Variants in SMARCB1 observed in about 807,000 individuals in gnomAD.
The protein encoded by SMARCB1 is SWI/SNF related BAF chromatin remodeling complex subunit B1, also known as SWI/SNF-related matrix-associated actin-dependent regulator of chromatin subfamily B member 1.
A neutral mutation model predicts 49.0 loss-of-function variants in SMARCB1; 5 were observed. The ratio of observed to expected loss-of-function variants is 0.10; its 90% confidence interval spans 0.05 to 0.21. The LOEUF (loss-of-function observed/expected upper bound fraction) is 0.21, where lower values mean the gene tolerates loss of function less well. Ranked by LOEUF, SMARCB1 falls within the 10% of genes least tolerant of loss-of-function variation. The probability of loss-of-function intolerance (pLI) is 1.00; values close to 1 mark genes in which losing one functional copy is unlikely to be tolerated. For synonymous variants in SMARCB1, 201 were observed against 200.1 expected (o/e 1.00, Z -0.04); for missense variants, 226 against 509.2 (o/e 0.44, Z 5.35).
At chr22:23,814,367 G>C (rs35381470) in intron 5 of SMARCB1, among the ~76,000 whole-genome samples, 6 of 152,284 alleles carry the variant, frequency 3.9e-5, no homozygotes, top group African/African-American at 1.2e-4. Flanking sequence ...GGAGCAATTA[G>C]ACAATCATAG....
intron 5 of SMARCB1, among the ~76,000 whole-genome samples, chr22:23,809,381 A>G (rs1359576355): frequency 2.0e-5 from 3 of 150,064 alleles, no homozygotes; most frequent in African/African-American, 7.4e-5. Flanking sequence ...GGTTCAAGTG[A>G]TTCTCCTGCC....
intron 7 of SMARCB1, chr22:23,826,116 C>CA (rs1266608638): frequency 1.3e-5 from 2 of 152,646 alleles, no homozygotes; most frequent in African/African-American, 2.4e-5. Context: ...AGGTGGGACT[C>CA]AGAGTTAAAA....
intron 6 of SMARCB1, chr22:23,825,021 T>C: frequency 1.6e-6 from 1 of 617,218 alleles, no homozygotes; most frequent in Non-Finnish European, 2.9e-6. Context: ...TGCTGGGCCC[T>C]GAGCCAGAGC....
chr22:23,837,082 AG>A lies in SMARCB1; in HGVS notation c.*2904del, dbSNP rs753023723. ...CACTCACAGGAAGCCAGGGGTCTGC[AG>A]GAGCCTCTTGCCTCCAGGCTGGTTG... On this transcript the variant is annotated 3_prime_UTR_variant, in exon 9 of 9. Coordinates refer to ENST00000644036, the MANE Select transcript of SMARCB1 (RefSeq NM_003073.5). 4 of 1,613,954 alleles carry A rather than the reference AG, an allele frequency of 2.5e-6. No individual in the cohort carries two copies. In the Admixed American group the frequency reaches 5.0e-5, roughly 20 times the overall value.
chr22:23,792,292 C>T (rs1928432875), intron 2 of SMARCB1: 1 of 352,602 alleles, frequency 2.8e-6, no homozygotes. Flanking sequence ...GGGGCTTTCA[C>T]TGCTTGCTTC....
In SMARCB1 at chr22:23,787,004, T is replaced by TGCG. The variant is rs1003107265; in HGVS notation, c.-151_-149dup. The TGCG allele has an allele frequency of 2.4e-4, 120 of 502,878 alleles. No individual in the cohort carries two copies. Among genetic ancestry groups the TGCG allele is most frequent in the East Asian group, 6.4e-4 (18 of 28,172 alleles). The allele number at this position is 502,878 out of a possible 1,614,324, so 31.2% of individuals were successfully genotyped here. ...CACTGAGGGCGGCCTGGTCGTCGTC[T>TGCG]GCGGCGGCGGCGGCGGCTGAGGAGC... On this transcript the variant is annotated 5_prime_UTR_variant, in exon 1 of 9. Coordinates refer to ENST00000644036, the MANE Select transcript of SMARCB1 (RefSeq NM_003073.5).
intron 6 of SMARCB1, among the ~76,000 whole-genome samples, chr22:23,819,723 G>A (rs2029974485): frequency 6.8e-6 from 1 of 146,290 alleles, no homozygotes; most frequent in South Asian, 2.2e-4. Flanking sequence ...GTTTTTTGAG[G>A]ATCCACTATA....
Position 23,803,352 on chromosome 22 carries a change from G to A in SMARCB1, c.558G>A (p.Leu186=), listed in dbSNP as rs751914353. 1.9e-6 allele frequency: 3 copies of A among 1,614,172 alleles called. No homozygotes were observed. ...AGAACGCATCTCAGCCCGAGGTGCT[G>A]GTCCCCATCCGGCTGGACATGGAGA... ...IHENASQPEV[L]VPIRLDMEID... The change falls in exon 5 of 9, where the codon CTG becomes CTA. Residue 186 remains leucine (L), a synonymous_variant. Transcript: ENST00000644036.
At chr22:23,800,734 C>G (rs550900297) in intron 3 of SMARCB1, among the ~76,000 whole-genome samples, 8 of 152,276 alleles carry the variant, frequency 5.3e-5, no homozygotes, top group African/African-American at 1.9e-4. Context: ...GTCTGGTGCC[C>G]CTACGTACCC....
Position 23,836,443 on chromosome 22 carries a change from C to T in SMARCB1, c.*2263C>T, listed in dbSNP as rs1259785425. ...CAGCAGCCGAAATCTGGTGAACTTC[C>T]CCGCTGACTGGCAGGTAGCAGAGGC... On this transcript the variant is annotated 3_prime_UTR_variant, in exon 9 of 9. Transcript: ENST00000644036. The T allele has an allele frequency of 1.0e-6, 1 of 990,348 alleles. No homozygotes were observed. The highest frequency in any genetic ancestry group is 1.7e-5 in the African/African-American group (1 of 57,424). 61.3% of individuals were successfully genotyped at this position (990,348 alleles called of 1,614,324 possible). A position where few individuals can be genotyped will look rare whatever the true frequency, so the allele number is the denominator to read the frequency against.
intron 3 of SMARCB1, among the ~76,000 whole-genome samples, chr22:23,797,695 G>A (rs112474586): frequency 1.5e-5 from 2 of 129,774 alleles, no homozygotes; most frequent in African/African-American, 5.8e-5. Context: ...TCAGCTCACT[G>A]CAACCTCCCC....
At chr22:23,828,097 G>C (rs1052420196) in intron 7 of SMARCB1, among the ~76,000 whole-genome samples, 1 of 152,182 alleles carries the variant, frequency 6.6e-6, no homozygotes, top group African/African-American at 2.4e-5. Context: ...CTGTCGCCCA[G>C]GCTGGAGTGC....
At chr22:23,830,144 C>T (rs1361528529) in intron 7 of SMARCB1, among the ~76,000 whole-genome samples, 2 of 152,182 alleles carry the variant, frequency 1.3e-5, no homozygotes, top group Admixed American at 1.3e-4. Flanking sequence ...GTGTGAACAT[C>T]TGTTTTCAAT....
At chr22:23,794,054 C>T (rs1008109492) in intron 3 of SMARCB1, among the ~76,000 whole-genome samples, 25 of 152,208 alleles carry the variant, frequency 1.6e-4, no homozygotes, top group East Asian at 5.8e-4. Flanking sequence ...AAGTGATTCT[C>T]CTGCCTCAGC....
rs35636978 is a variant in SMARCB1 at position 23,794,185 on chromosome 22, G to A, written c.362+497G>A. On this transcript the variant is annotated intron_variant, in intron 3 of 8. Transcript: ENST00000644036. ...CTCGAAACCCCACCTCAGGTGATCCGCCCGCCTTGGCATCCCAGAGTGCTG... is the reference window on the plus strand; with the variant it reads ...CTCGAAACCCCACCTCAGGTGATCCACCCGCCTTGGCATCCCAGAGTGCTG... Among the ~76,000 whole-genome samples, 530 of 152,310 alleles carry A rather than the reference G, an allele frequency of 3.5e-3. 5 individuals are homozygous for A. Among genetic ancestry groups the A allele is most frequent in the South Asian group, 0.034 (166 of 4,820 alleles).
intron 3 of SMARCB1, among the ~76,000 whole-genome samples, chr22:23,796,690 A>T (rs1568939039): frequency 6.6e-6 from 1 of 152,218 alleles, no homozygotes; most frequent in Non-Finnish European, 1.5e-5. Flanking sequence ...AATTGTGTAC[A>T]TATGGAGGGC....
chr22:23,830,384 T>C (rs2030590369), intron 7 of SMARCB1, among the ~76,000 whole-genome samples: 1 of 152,244 alleles, frequency 6.6e-6, no homozygotes, highest in South Asian at 2.1e-4. Context: ...TGCATTTTTC[T>C]AATGACTGAT....
At chr22:23,822,314 C>A (rs902590735) in intron 6 of SMARCB1, among the ~76,000 whole-genome samples, 1 of 152,184 alleles carries the variant, frequency 6.6e-6, no homozygotes, top group Non-Finnish European at 1.5e-5. Flanking sequence ...ACTGTCCAGG[C>A]CCCGTCCAGA....
chr22:23,799,679 A>ATTTTTTTTTTTTTTTTTTTTTTTTTT (rs71184912), intron 3 of SMARCB1, among the ~76,000 whole-genome samples: 3 of 68,416 alleles, frequency 4.4e-5, no homozygotes, highest in African/African-American at 1.2e-4. Flanking sequence ...CACCTGGCTA[A>ATTTTTTTTTTTTTTTTTTTTTTTTTT]TTTTTTTTTT....
Sources: gnomAD v4.1 joint callset for allele counts (sites outside exome capture counted in the v4.1 genomes callset) on GRCh38, gnomAD v4.1.1 for gene constraint, MANE v1.5 for transcripts, NCBI Gene and HGNC (gene_info 2026-07-23, HGNC 2026-07-21) for gene names.